NXPE2: variants seen among roughly 807,000 people sequenced by gnomAD.
The protein encoded by NXPE2 is neurexophilin and PC-esterase domain family member 2.
A neutral mutation model predicts 34.4 loss-of-function variants in NXPE2; 34 were observed. The ratio of observed to expected loss-of-function variants is 0.99; its 90% CI spans 0.75 to 1.31. NXPE2 has a LOEUF of 1.31. Among genes scored for constraint, NXPE2 ranks in the 40% most tolerant of loss-of-function variants. The pLI is 0.00. For missense variants in NXPE2, 649 were observed against 672.5 expected (o/e 0.97, Z 0.39); for synonymous variants, 235 against 231.3 (o/e 1.02, Z -0.15).
At chr11:114,628,914 G>A in the NXPE2 span, among the ~76,000 whole-genome samples, 5 of 151,934 alleles carry the variant, frequency 3.3e-5, no homozygotes, top group East Asian at 1.9e-4. Flanking sequence ...ATAAACTAGA[G>A]AATCTAGAAG....
the NXPE2 span, among the ~76,000 whole-genome samples, chr11:114,750,779 T>C: frequency 6.6e-6 from 1 of 152,226 alleles, no homozygotes; most frequent in Non-Finnish European, 1.5e-5. Flanking sequence ...CTGATATTAG[T>C]TGTCTTGCCA....
the NXPE2 span, among the ~76,000 whole-genome samples, chr11:114,512,205 G>A: frequency 6.6e-6 from 1 of 152,076 alleles, no homozygotes; most frequent in African/African-American, 2.4e-5. Context: ...AAAATGTTTC[G>A]AATGGGATGC....
intron 2 of NXPE2, among the ~76,000 whole-genome samples, chr11:114,688,943 C>T (rs947456640): frequency 1.3e-5 from 2 of 151,984 alleles, no homozygotes; most frequent in Non-Finnish European, 2.9e-5. Context: ...GTGATGTCAA[C>T]TTTGTAATTT....
chr11:114,591,289 T>G, the NXPE2 span, among the ~76,000 whole-genome samples: 1 of 152,212 alleles, frequency 6.6e-6, no homozygotes, highest in Non-Finnish European at 1.5e-5. Flanking sequence ...GTATGCTTTC[T>G]TAATTCTCCA....
chr11:114,582,757 G>T, the NXPE2 span: 2 of 1,614,058 alleles, frequency 1.2e-6, no homozygotes, highest in African/African-American at 1.3e-5. Flanking sequence ...CTCACCTCCA[G>T]CAGGATGTGC....
the NXPE2 span, among the ~76,000 whole-genome samples, chr11:114,731,231 G>A: frequency 1.3e-5 from 2 of 152,068 alleles, no homozygotes; most frequent in African/African-American, 4.8e-5. Flanking sequence ...TAATACAAAT[G>A]CTGGTGAGGA....
chr11:114,704,067 T>G lies in NXPE2; in HGVS notation c.928+15T>G. 3 of 1,537,144 alleles carry G rather than the reference T, an allele frequency of 2.0e-6. No homozygotes were observed. Among genetic ancestry groups the G allele is most frequent in the Non-Finnish European group, 2.6e-6 (3 of 1,133,602 alleles). ...ACCATGCAACAGTAAGTCTGGAGTG[T>G]TGTTGTCTGCCATGATCACAATTTA... On this transcript the variant is annotated intron_variant, in intron 4 of 5. Transcript: ENST00000389586.
chr11:114,521,898 C>G, the NXPE2 span: 13 of 1,211,388 alleles, frequency 1.1e-5, no homozygotes, highest in Admixed American at 2.9e-4. Flanking sequence ...ATGAGTAAAA[C>G]TTACTTTACA....
the NXPE2 span, among the ~76,000 whole-genome samples, chr11:114,617,540 A>G: frequency 3.3e-5 from 5 of 152,134 alleles, no homozygotes; most frequent in Non-Finnish European, 7.4e-5. Flanking sequence ...GTGGCTAACC[A>G]CTGTTACCCA....
At chr11:114,627,824 G>A in the NXPE2 span, among the ~76,000 whole-genome samples, 14 of 151,366 alleles carry the variant, frequency 9.2e-5, no homozygotes, top group Admixed American at 9.2e-4. Flanking sequence ...GATGGAGGAA[G>A]ATCTACCAAG....
chr11:114,676,291 G>A (rs916035656), upstream of NXPE2, among the ~76,000 whole-genome samples: 5 of 151,720 alleles, frequency 3.3e-5, no homozygotes, highest in African/African-American at 7.3e-5. Context: ...TGTACTGCAA[G>A]GGAGACAATT....
In NXPE2 at chr11:114,706,726, C is replaced by T. The variant is rs895760829; in HGVS notation, c.1476C>T (p.Thr492=). 4 of 1,552,082 alleles carry T rather than the reference C, an allele frequency of 2.6e-6. No individual in the cohort carries two copies. The highest frequency in any genetic ancestry group is 1.4e-5 in the African/African-American group (1 of 73,018). ...ETKVILKTEN[T]REIEQNAEMF... is the part of the protein sequence containing the mutation. ...AGGTGATACTTAAAACTGAAAACACCAGAGAGATAGAACAAAATGCAGAGA... is the reference window on the plus strand; with the variant it reads ...AGGTGATACTTAAAACTGAAAACACTAGAGAGATAGAACAAAATGCAGAGA... The change falls in exon 6 of 6, where the codon ACC becomes ACT. Residue 492 remains threonine (T), a synonymous_variant. Coordinates refer to ENST00000389586, the MANE Select transcript of NXPE2 (RefSeq NM_182495.6).
chr11:114,764,377 T>G, the NXPE2 span, among the ~76,000 whole-genome samples: 2 of 152,244 alleles, frequency 1.3e-5, no homozygotes, highest in Non-Finnish European at 2.9e-5. Flanking sequence ...GCTGAAATTC[T>G]CAGAGTGAAT....
chr11:114,626,086 G>A, the NXPE2 span, among the ~76,000 whole-genome samples: 1 of 152,198 alleles, frequency 6.6e-6, no homozygotes, highest in Non-Finnish European at 1.5e-5. Flanking sequence ...CAAGGCGGCA[G>A]CGAGGCTGGG....
the NXPE2 span, among the ~76,000 whole-genome samples, chr11:114,626,334 T>G: frequency 6.6e-6 from 1 of 152,186 alleles, no homozygotes; most frequent in Non-Finnish European, 1.5e-5. Flanking sequence ...GATCTGAGAA[T>G]GGGCAGACTG....
chr11:114,681,924 G>C (rs1320200748), intron 2 of NXPE2, among the ~76,000 whole-genome samples: 6 of 152,104 alleles, frequency 3.9e-5, no homozygotes, highest in Admixed American at 1.3e-4. Context: ...TTTATAATTT[G>C]ATTTTGGAAA....
At chr11:114,496,707 T>G in the NXPE2 span, among the ~76,000 whole-genome samples, 35 of 152,204 alleles carry the variant, frequency 2.3e-4, no homozygotes, top group Non-Finnish European at 4.9e-4. Flanking sequence ...AATATGCGTG[T>G]CTTTATAGTA....
chr11:114,545,479 T>G, the NXPE2 span, among the ~76,000 whole-genome samples: 3 of 152,212 alleles, frequency 2.0e-5, no homozygotes, highest in African/African-American at 7.2e-5. Flanking sequence ...GGCTATGCAC[T>G]GTATGACTGC....
chr11:114,704,123 A>G (rs937324850), intron 4 of NXPE2, 71 bp downstream of exon 4: 10 of 1,117,638 alleles, frequency 8.9e-6, no homozygotes, highest in African/African-American at 7.8e-5. Flanking sequence ...ACTTAGAGAT[A>G]TTTATTCCAC....
Sources: gnomAD v4.1 joint callset for allele counts (sites outside exome capture counted in the v4.1 genomes callset) on GRCh38, gnomAD v4.1.1 for gene constraint, MANE v1.5 for transcripts, NCBI Gene and HGNC (gene_info 2026-07-23, HGNC 2026-07-21) for gene names.